The following MED13L variants were observed in gnomAD, a reference collection of about 807,000 sequenced individuals.
The protein encoded by MED13L is mediator complex subunit 13L.
In MED13L, 7 loss-of-function variants were observed where a neutral mutation model predicts 220.9. The ratio of observed to expected loss-of-function variants is 0.03; its 90% CI spans 0.02 to 0.06. The LOEUF is 0.06. Among genes scored for constraint, MED13L ranks in the 10% least tolerant of loss-of-function variants. The pLI, the probability that MED13L is intolerant of heterozygous loss-of-function variation, is 1.00. For missense variants in MED13L, 1,965 were observed against 2,760.5 expected (o/e 0.71, Z 6.46); for synonymous variants, 1,011 against 1,015.2 (o/e 1.00, Z 0.08).
At chr12:116,081,119 C>T (rs1565867380) in intron 4 of MED13L, among the ~76,000 whole-genome samples, 1 of 152,186 alleles carries the variant, frequency 6.6e-6, no homozygotes, top group Non-Finnish European at 1.5e-5. Context: ...GAGAGAGCCC[C>T]TATTATGGCT....
At chr12:116,085,277 T>C (rs1268855433) in intron 4 of MED13L, among the ~76,000 whole-genome samples, 3 of 152,008 alleles carry the variant, frequency 2.0e-5, no homozygotes, top group Non-Finnish European at 4.4e-5. Flanking sequence ...AAAATAAGGG[T>C]CACAAACAGC....
At chr12:115,964,969 A>G (rs930936745) in intron 29 of MED13L, among the ~76,000 whole-genome samples, 5 of 152,240 alleles carry the variant, frequency 3.3e-5, no homozygotes, top group African/African-American at 1.2e-4. Context: ...GAGGAAAAAT[A>G]AATCTATGCT....
intron 1 of MED13L, among the ~76,000 whole-genome samples, chr12:116,248,113 A>G (rs1871234293): frequency 6.6e-6 from 1 of 152,210 alleles, no homozygotes; most frequent in South Asian, 2.1e-4. Flanking sequence ...CCGCACATTC[A>G]ATCCTTTCAA....
At chr12:116,051,662 G>A (rs1219196042) in intron 4 of MED13L, among the ~76,000 whole-genome samples, 2 of 152,134 alleles carry the variant, frequency 1.3e-5, no homozygotes, top group Non-Finnish European at 2.9e-5. Context: ...ATTCATTTAG[G>A]TACATTTATA....
intron 2 of MED13L, among the ~76,000 whole-genome samples, chr12:116,234,507 G>A (rs971461425): frequency 1.3e-5 from 2 of 151,760 alleles, no homozygotes; most frequent in African/African-American, 2.4e-5. Flanking sequence ...AGGGATTACA[G>A]GCGTGAGCCA....
At chr12:116,145,184 A>T (rs1877373491) in intron 2 of MED13L, among the ~76,000 whole-genome samples, 1 of 152,222 alleles carries the variant, frequency 6.6e-6, no homozygotes, top group Non-Finnish European at 1.5e-5. Flanking sequence ...GGCAATGCCA[A>T]TGTCAACCAA....
At chr12:116,024,649 T>C (rs1168180431) in intron 4 of MED13L, among the ~76,000 whole-genome samples, 1 of 151,994 alleles carries the variant, frequency 6.6e-6, no homozygotes, top group Non-Finnish European at 1.5e-5. Flanking sequence ...CCATTTTCTA[T>C]TTTTGTTTTT....
chr12:116,206,984 G>T (rs1427140982), intron 2 of MED13L, among the ~76,000 whole-genome samples: 1 of 152,046 alleles, frequency 6.6e-6, no homozygotes, highest in East Asian at 1.9e-4. Context: ...TATTCTGAGT[G>T]ACTTTAAAGC....
intron 5 of MED13L, among the ~76,000 whole-genome samples, chr12:116,020,435 C>A (rs1215086892): frequency 6.6e-6 from 1 of 152,126 alleles, no homozygotes; most frequent in South Asian, 2.1e-4. Context: ...ACATGGAGAC[C>A]GCAAATGCTG....
At chr12:116,222,290 G>A (rs536620965) in intron 2 of MED13L, among the ~76,000 whole-genome samples, 19 of 152,146 alleles carry the variant, frequency 1.2e-4, no homozygotes, top group Non-Finnish European at 1.9e-4. Context: ...TGCCTGCAAT[G>A]ACACGTCACA....
intron 3 of MED13L, among the ~76,000 whole-genome samples, chr12:116,103,495 C>T (rs911496601): frequency 6.6e-6 from 1 of 152,048 alleles, no homozygotes; most frequent in Admixed American, 6.6e-5. Flanking sequence ...CTTTGTTGCC[C>T]AGCCTGGTCT....
intron 28 of MED13L, among the ~76,000 whole-genome samples, chr12:115,968,054 C>CG (rs1876311907): frequency 6.5e-5 from 1 of 15,282 alleles, no homozygotes; most frequent in Non-Finnish European, 1.1e-4. Context: ...GAATAAAAGT[C>CG]CCCCCCCCCC....
intron 1 of MED13L, among the ~76,000 whole-genome samples, chr12:116,242,790 A>T (rs150930280): frequency 2.2e-3 from 338 of 152,362 alleles, no homozygotes; most frequent in African/African-American, 7.8e-3. Flanking sequence ...CACAGGTAGC[A>T]AATGGCAGAT....
At chr12:116,042,335 T>G in intron 4 of MED13L, among the ~76,000 whole-genome samples, 1 of 152,248 alleles carries the variant, frequency 6.6e-6, no homozygotes, top group East Asian at 1.9e-4. Flanking sequence ...TTGGAAGGGA[T>G]GAGGGGCAGG....
chr12:116,002,904 G>A, intron 14 of MED13L, 99 bp downstream of exon 14: 1 of 1,034,970 alleles, frequency 9.7e-7, no homozygotes, highest in South Asian at 1.3e-5. Context: ...AAAAGGAAGG[G>A]AAATTTCAGA....
chr12:116,135,365 C>T (rs1040940051), intron 2 of MED13L, among the ~76,000 whole-genome samples: 2 of 152,170 alleles, frequency 1.3e-5, no homozygotes, highest in African/African-American at 4.8e-5. Flanking sequence ...GGACTCCAGT[C>T]AACAATCCTA....
At chr12:116,268,368 T>G (rs1565958902) in intron 1 of MED13L, among the ~76,000 whole-genome samples, 1 of 152,224 alleles carries the variant, frequency 6.6e-6, no homozygotes, top group Admixed American at 6.5e-5. Context: ...TAGTCAGAAT[T>G]GTCAACATAA....
intron 1 of MED13L, among the ~76,000 whole-genome samples, chr12:116,253,984 C>T (rs766899127): frequency 3.3e-4 from 50 of 151,884 alleles, no homozygotes; most frequent in South Asian, 6.2e-4. Context: ...TGGTCTCGAA[C>T]CCCTGACCTC....
At chr12:116,153,512 C>T (rs1878210500) in intron 2 of MED13L, among the ~76,000 whole-genome samples, 1 of 152,104 alleles carries the variant, frequency 6.6e-6, no homozygotes, top group South Asian at 2.1e-4. Context: ...TCATTAACAA[C>T]AAAAATCAGT....
Sources: gnomAD v4.1 joint callset for allele counts (sites outside exome capture counted in the v4.1 genomes callset) on GRCh38, gnomAD v4.1.1 for gene constraint, MANE v1.5 for transcripts, NCBI Gene and HGNC (gene_info 2026-07-23, HGNC 2026-07-21) for gene names.